Variants in TBC1D19 observed in about 807,000 individuals in gnomAD.
The protein encoded by TBC1D19 is TBC1 domain family member 19, also known as TBC1 domain family, member 19.
TBC1D19 carries 60 observed loss-of-function variants against 89.0 expected under a neutral mutation model. The observed-to-expected ratio is 0.67, with a 90% CI of 0.55 to 0.84. The LOEUF is 0.84. Among genes scored for constraint, TBC1D19 ranks in the 40% least tolerant of loss-of-function variants. TBC1D19 has a pLI of 0.00. For missense variants in TBC1D19, 500 were observed against 610.8 expected, an observed-to-expected ratio of 0.82 and a Z score of 1.91; for synonymous variants, 189 against 199.7, an observed-to-expected ratio of 0.95 and a Z score of 0.45.
the TBC1D19 span, among the ~76,000 whole-genome samples, chr4:26,782,628 T>C: frequency 6.6e-6 from 1 of 152,248 alleles, no homozygotes; most frequent in Admixed American, 6.5e-5. Context: ...ACTGTCAAAC[T>C]AGATTGCTTT....
At chr4:26,842,588 CTTTCTTTCTTTCTTTCTTT>C in the TBC1D19 span, among the ~76,000 whole-genome samples, 45 of 104,788 alleles carry the variant, frequency 4.3e-4, no homozygotes, top group African/African-American at 7.7e-4. Flanking sequence ...CCCTCCCTTT[CTTTCTTTCTTTCTTTCTTT>C]CTTTCTTTCT....
At chr4:26,657,610 A>T (rs1273893571) in intron 7 of TBC1D19, among the ~76,000 whole-genome samples, 3 of 152,170 alleles carry the variant, frequency 2.0e-5, no homozygotes, top group African/African-American at 4.8e-5. Context: ...CAGTAATGGG[A>T]TGGCTGGGTC....
the TBC1D19 span, among the ~76,000 whole-genome samples, chr4:26,787,575 A>T: frequency 6.6e-6 from 1 of 152,116 alleles, no homozygotes; most frequent in Admixed American, 6.5e-5. Context: ...CTAGAGTTGC[A>T]TCTGGTGTCA....
chr4:26,823,127 A>G, the TBC1D19 span, among the ~76,000 whole-genome samples: 6 of 151,652 alleles, frequency 4.0e-5, no homozygotes, highest in Non-Finnish European at 7.4e-5. Flanking sequence ...GGCAGAAGGC[A>G]AGGAGGAGCA....
chr4:26,821,917 G>A, the TBC1D19 span, among the ~76,000 whole-genome samples: 1 of 152,204 alleles, frequency 6.6e-6, no homozygotes, highest in Non-Finnish European at 1.5e-5. Context: ...TGGCAGAAAT[G>A]TTTTCCTTGA....
chr4:26,584,342 T>A, intron 1 of TBC1D19, 50 bp downstream of exon 1: 1 of 1,534,336 alleles, frequency 6.5e-7, no homozygotes, highest in Non-Finnish European at 8.9e-7. Flanking sequence ...GCCGCGGCGA[T>A]GTCTCTTCTT....
chr4:26,577,877 A>C (rs1699063565), intron 1 of TBC1D19, among the ~76,000 whole-genome samples: 1 of 152,256 alleles, frequency 6.6e-6, no homozygotes, highest in South Asian at 2.1e-4. Context: ...TATAATAAAC[A>C]CATGCATATT....
chr4:26,622,100 G>T (rs556495153), intron 4 of TBC1D19, among the ~76,000 whole-genome samples: 117 of 152,124 alleles, frequency 7.7e-4, no homozygotes, highest in African/African-American at 2.6e-3. Context: ...GTTGTGGGGT[G>T]GGGGGAGAGG....
At chr4:26,733,234 A>T (rs1176303353) in intron 15 of TBC1D19, among the ~76,000 whole-genome samples, 5 of 152,228 alleles carry the variant, frequency 3.3e-5, no homozygotes, top group Non-Finnish European at 7.3e-5. Flanking sequence ...TAGAAACAAC[A>T]AAGAAGTATG....
At chr4:26,721,972 A>G (rs1432128418) in intron 15 of TBC1D19, among the ~76,000 whole-genome samples, 1 of 152,068 alleles carries the variant, frequency 6.6e-6, no homozygotes, top group Admixed American at 6.6e-5. Flanking sequence ...AGGTTAGGCT[A>G]AGGGCCCTTC....
At chr4:26,829,854 G>A in the TBC1D19 span, among the ~76,000 whole-genome samples, 5 of 152,168 alleles carry the variant, frequency 3.3e-5, no homozygotes, top group Admixed American at 2.0e-4. Context: ...TGCATTCCCG[G>A]AATGACTTTA....
intron 15 of TBC1D19, among the ~76,000 whole-genome samples, chr4:26,725,445 T>C (rs928400836): frequency 4.6e-5 from 7 of 152,100 alleles, no homozygotes; most frequent in African/African-American, 1.7e-4. Context: ...AAAGTCTTGC[T>C]CTGTCGTCCA....
intron 7 of TBC1D19, among the ~76,000 whole-genome samples, chr4:26,646,478 T>C (rs910651632): frequency 3.3e-5 from 5 of 152,180 alleles, no homozygotes; most frequent in Non-Finnish European, 5.9e-5. Context: ...ACCCAAAGAA[T>C]TGTAAATCAT....
the TBC1D19 span, among the ~76,000 whole-genome samples, chr4:26,775,858 G>GT: frequency 5.3e-5 from 8 of 151,452 alleles, no homozygotes; most frequent in African/African-American, 1.2e-4. Flanking sequence ...AAGGTGGTCA[G>GT]TTTTTTTTTA....
At chr4:26,638,946 C>G in intron 6 of TBC1D19, 112 bp downstream of exon 6, 1 of 893,832 alleles carries the variant, frequency 1.1e-6, no homozygotes, top group South Asian at 1.8e-5. Context: ...AATTTTCCTT[C>G]TCATTAATTT....
intron 3 of TBC1D19, 55 bp from the exon 4 acceptor site, chr4:26,620,558 A>G: frequency 2.8e-6 from 4 of 1,441,510 alleles, no homozygotes; most frequent in Non-Finnish European, 3.9e-6. Flanking sequence ...AGAGGTAAGT[A>G]ATATCTAACC....
the TBC1D19 span, among the ~76,000 whole-genome samples, chr4:26,805,025 A>G: frequency 6.6e-6 from 1 of 152,156 alleles, no homozygotes; most frequent in Admixed American, 6.5e-5. Flanking sequence ...GAATCCGCTT[A>G]GGGTTTGAGA....
At chr4:26,843,354 C>T in the TBC1D19 span, among the ~76,000 whole-genome samples, 1 of 152,036 alleles carries the variant, frequency 6.6e-6, no homozygotes, top group Non-Finnish European at 1.5e-5. Flanking sequence ...CTTCTATATT[C>T]ACATAATGCT....
chr4:26,651,617 G>C (rs547230270), intron 7 of TBC1D19, among the ~76,000 whole-genome samples: 1 of 152,292 alleles, frequency 6.6e-6, no homozygotes, highest in East Asian at 1.9e-4. Context: ...TTTGGGCTGA[G>C]ACGATGGGGT....
Sources: gnomAD v4.1 joint callset for allele counts (sites outside exome capture counted in the v4.1 genomes callset) on GRCh38, gnomAD v4.1.1 for gene constraint, MANE v1.5 for transcripts, NCBI Gene and HGNC (gene_info 2026-07-23, HGNC 2026-07-21) for gene names.